Variants in POLR3G observed in about 807,000 individuals in gnomAD.
The protein encoded by POLR3G is DNA-directed RNA polymerase III subunit RPC7.
POLR3G carries 28 observed loss-of-function variants against 30.1 expected under a neutral mutation model. The ratio of observed to expected loss-of-function variants is 0.93; its 90% CI spans 0.69 to 1.27. POLR3G has a LOEUF of 1.27. Ranked by LOEUF, POLR3G falls within the 50% of genes most tolerant of loss-of-function variation. POLR3G has a pLI of 0.00. For missense variants in POLR3G, 254 were observed against 264.6 expected, an observed-to-expected ratio of 0.96 and a Z score of 0.28; for synonymous variants, 79 against 82.5, an observed-to-expected ratio of 0.96 and a Z score of 0.23.
rs898700737 is a variant in POLR3G at position 90,481,330 on chromosome 5, A to G, written c.-43-4195A>G. ...GAGCATCCCTTTTCAGTATTCTTGAAAAAAAAAAAAAAATCAAACCCAAAT... is the reference window on the plus strand; with the variant it reads ...GAGCATCCCTTTTCAGTATTCTTGAGAAAAAAAAAAAAATCAAACCCAAAT... On this transcript the variant is annotated intron_variant, in intron 1 of 7. Transcript: ENST00000651687. 2.1e-3 allele frequency among the ~76,000 whole-genome samples: 308 copies of G among 148,918 alleles called. 1 individual carries two copies. The highest frequency in any genetic ancestry group is 8.8e-3 in the Admixed American group (132 of 14,998).
intron 3 of POLR3G, among the ~76,000 whole-genome samples, chr5:90,491,381 G>A (rs936085941): frequency 1.3e-5 from 2 of 152,134 alleles, no homozygotes; most frequent in South Asian, 4.1e-4. Flanking sequence ...TGGTGATAGT[G>A]TCATAAGTCA....
intron 3 of POLR3G, among the ~76,000 whole-genome samples, chr5:90,490,290 T>G (rs1023005023): frequency 2.0e-5 from 3 of 148,784 alleles, no homozygotes; most frequent in Non-Finnish European, 3.0e-5. Context: ...TTTTTTTTTT[T>G]GCTTTTATTT....
At chr5:90,507,479 C>A (rs1752539408) in intron 7 of POLR3G, among the ~76,000 whole-genome samples, 3 of 152,124 alleles carry the variant, frequency 2.0e-5, no homozygotes, top group African/African-American at 7.2e-5. Context: ...CATTTTTTAT[C>A]TGTTTCCAAG....
intron 1 of POLR3G, among the ~76,000 whole-genome samples, chr5:90,476,515 C>T (rs1003950263): frequency 1.7e-4 from 26 of 152,276 alleles, no homozygotes; most frequent in African/African-American, 6.0e-4. Context: ...TTAGGGCATT[C>T]TCAGCAGAGT....
intron 3 of POLR3G, among the ~76,000 whole-genome samples, chr5:90,488,739 A>T (rs908725875): frequency 2.6e-5 from 4 of 152,202 alleles, no homozygotes; most frequent in African/African-American, 9.7e-5. Flanking sequence ...AGGTTAAAAA[A>T]ATTTTTGAGA....
upstream of POLR3G, chr5:90,474,244 A>C (rs1750650392): frequency 6.2e-7 from 1 of 1,613,516 alleles, no homozygotes; most frequent in Non-Finnish European, 8.5e-7. Flanking sequence ...TGAATCCAGA[A>C]GATACCATCG....
intron 2 of POLR3G, among the ~76,000 whole-genome samples, chr5:90,487,710 G>A (rs527471820): frequency 6.6e-6 from 1 of 152,174 alleles, no homozygotes; most frequent in East Asian, 1.9e-4. Flanking sequence ...AATTTTTAAA[G>A]TAGATAATCA....
intron 1 of POLR3G, among the ~76,000 whole-genome samples, chr5:90,478,796 C>G (rs1467481168): frequency 6.6e-6 from 1 of 151,288 alleles, no homozygotes; most frequent in Non-Finnish European, 1.5e-5. Context: ...CCATCCTGGC[C>G]AACATGGTGA....
At chr5:90,495,393 C>T (rs1251511939) in intron 3 of POLR3G, among the ~76,000 whole-genome samples, 2 of 152,132 alleles carry the variant, frequency 1.3e-5, no homozygotes, top group Non-Finnish European at 2.9e-5. Flanking sequence ...GCAGTTATGG[C>T]TTTACTGGTT....
At chr5:90,474,317 G>A (rs370085693), upstream of POLR3G, 10 of 1,602,872 alleles carry the variant, frequency 6.2e-6, no homozygotes, top group South Asian at 1.1e-5. Flanking sequence ...CAGCCAGGCG[G>A]GGTGAGTGTG....
chr5:90,502,185 C>T (rs556722679), intron 6 of POLR3G, 197 bp downstream of exon 6: 28 of 985,262 alleles, frequency 2.8e-5, no homozygotes, highest in Non-Finnish European at 2.9e-5. Flanking sequence ...TCCTGTCCTT[C>T]GTTACCACTC....
upstream of POLR3G, chr5:90,474,107 G>C (rs1203817432): frequency 1.3e-6 from 2 of 1,577,354 alleles, no homozygotes; most frequent in East Asian, 2.3e-5. Context: ...GGTCCTGCAA[G>C]AGGCCGGAGG....
At chr5:90,492,917 A>G (rs895510855) in intron 3 of POLR3G, among the ~76,000 whole-genome samples, 3 of 152,080 alleles carry the variant, frequency 2.0e-5, no homozygotes, top group African/African-American at 4.8e-5. Flanking sequence ...TGCATTTTGG[A>G]TATGTAAGTA....
rs201028228 is a variant in POLR3G at position 90,513,060 on chromosome 5, AATTAAT to A, written c.*931_*936del. 2,581 of 152,188 alleles carry A rather than the reference AATTAAT, an allele frequency of 0.017. 33 individuals carry two copies. Among genetic ancestry groups the A allele is most frequent in the Non-Finnish European group, 0.025 (1,718 of 67,926 alleles). The allele number at this position is 152,188 out of a possible 1,614,324, so 9.4% of individuals were successfully genotyped here. A position where few individuals can be genotyped will look rare whatever the true frequency, so the allele number is the denominator to read the frequency against. Reference sequence around the variant, plus strand: ...GCAAAATGAACTCAGGTCATTTTGAAATTAATATTAATATTTTTGTTGTTTAACTTT... The same window carrying A: ...GCAAAATGAACTCAGGTCATTTTGAAATTAATATTTTTGTTGTTTAACTTT... On this transcript the variant is annotated 3_prime_UTR_variant, in exon 8 of 8. Transcript: ENST00000651687.
rs1372656355 is a variant in POLR3G, at chr5:90,501,909, G to A, written c.359G>A (p.Gly120Asp). ...TTAACTGGTAGTTTTACTTCAGCAGGCCCAAAACCCAAAAAGGCAAAAGAC... is the reference window on the plus strand; with the variant it reads ...TTAACTGGTAGTTTTACTTCAGCAGACCCAAAACCCAAAAAGGCAAAAGAC... ...MMPRNKCKKAGPKPKKAKDAG... is the reference protein window; with the variant it reads ...MMPRNKCKKADPKPKKAKDAG... Residue 120 changes from glycine (G) to aspartate (D), a missense_variant, in exon 6 of 8, where the codon GGC becomes GAC. By Grantham distance (94) the Gly-to-Asp change is moderately conservative. Coordinates refer to ENST00000651687, the MANE Select transcript of POLR3G (RefSeq NM_006467.3). 6.2e-7 allele frequency: 1 copy of A among 1,612,854 alleles called. No individual in the cohort carries two copies. The highest frequency in any genetic ancestry group is 1.3e-5 in the African/African-American group (1 of 74,732).
intron 1 of POLR3G, among the ~76,000 whole-genome samples, chr5:90,484,709 G>A (rs890450725): frequency 2.0e-5 from 3 of 152,180 alleles, no homozygotes; most frequent in African/African-American, 4.8e-5. Context: ...CCTCCGAGTG[G>A]TCCAGGGGAC....
In POLR3G at chr5:90,488,138, T is replaced by C; in HGVS notation, c.247+9T>C. The C allele has an allele frequency of 1.3e-6, 2 of 1,591,190 alleles. No individual in the cohort carries two copies. The highest frequency in any genetic ancestry group is 1.2e-5 in the South Asian group (1 of 85,914). ...ACCTGAAGAAAGACAAGGTACTGTATTGGAGTCTTTGATTATGTGGCTTAA... is the reference window on the plus strand; with the variant it reads ...ACCTGAAGAAAGACAAGGTACTGTACTGGAGTCTTTGATTATGTGGCTTAA... On this transcript the variant is annotated intron_variant, in intron 3 of 7. Coordinates refer to ENST00000651687, the MANE Select transcript of POLR3G (RefSeq NM_006467.3).
At chr5:90,486,464 TG>T (rs1332065616) in intron 2 of POLR3G, among the ~76,000 whole-genome samples, 2 of 152,216 alleles carry the variant, frequency 1.3e-5, no homozygotes, top group Non-Finnish European at 2.9e-5. Context: ...TCCTTACTAC[TG>T]GGTAAAAGGC....
upstream of POLR3G, chr5:90,474,353 CCACA>C (rs1750658778): frequency 2.0e-6 from 3 of 1,473,822 alleles, no homozygotes; most frequent in Admixed American, 3.6e-5. Context: ...CACAGGCTGT[CCACA>C]CACAGGGCAC....
Sources: gnomAD v4.1 joint callset for allele counts (sites outside exome capture counted in the v4.1 genomes callset) on GRCh38, gnomAD v4.1.1 for gene constraint, MANE v1.5 for transcripts, NCBI Gene and HGNC (gene_info 2026-07-23, HGNC 2026-07-21) for gene names.